NTRK2: variants seen among roughly 807,000 people sequenced by gnomAD.
The protein encoded by NTRK2 is BDNF/NT-3 growth factors receptor.
NTRK2 carries 13 observed loss-of-function variants against 94.5 expected under a neutral mutation model. The observed-to-expected ratio is 0.14, with a 90% CI of 0.09 to 0.22. The LOEUF (loss-of-function observed/expected upper bound fraction) is 0.22, where lower values mean the gene tolerates loss of function less well. Ranked by LOEUF, NTRK2 falls within the 10% of genes least tolerant of loss-of-function variation. The pLI is 1.00. For missense variants in NTRK2, 639 were observed against 1,071.2 expected (o/e 0.60, Z 5.63); for synonymous variants, 372 against 407.4 (o/e 0.91, Z 1.05).
intron 12 of NTRK2, among the ~76,000 whole-genome samples, chr9:84,754,479 C>T (rs1434096478): frequency 6.6e-6 from 1 of 152,066 alleles, no homozygotes; most frequent in African/African-American, 2.4e-5. Flanking sequence ...GCAGATGAAA[C>T]TGCTTAAAAC....
At chr9:84,853,591 C>G (rs1350117599) in intron 12 of NTRK2, among the ~76,000 whole-genome samples, 1 of 152,098 alleles carries the variant, frequency 6.6e-6, no homozygotes, top group African/African-American at 2.4e-5. Flanking sequence ...TACGCTTTTT[C>G]AAAATTGTTG....
At chr9:84,722,891 A>AT (rs1340713511) in intron 6 of NTRK2, among the ~76,000 whole-genome samples, 2 of 152,244 alleles carry the variant, frequency 1.3e-5, no homozygotes, top group African/African-American at 4.8e-5. Context: ...TTTCACTGAA[A>AT]TGAGTCCAAC....
At chr9:84,956,770 G>C (rs568246419) in intron 17 of NTRK2, among the ~76,000 whole-genome samples, 27 of 152,058 alleles carry the variant, frequency 1.8e-4, no homozygotes, top group African/African-American at 6.3e-4. Flanking sequence ...CGTTTTAGTG[G>C]GGTGAACTTT....
chr9:84,870,520 G>A (rs1450599195), intron 14 of NTRK2, among the ~76,000 whole-genome samples: 3 of 149,268 alleles, frequency 2.0e-5, no homozygotes, highest in East Asian at 2.0e-4. Context: ...TTTATTTTTC[G>A]TTTTCATTTT....
At chr9:84,879,558 G>A (rs955230438) in intron 14 of NTRK2, among the ~76,000 whole-genome samples, 1 of 152,060 alleles carries the variant, frequency 6.6e-6, no homozygotes, top group African/African-American at 2.4e-5. Context: ...CTTAATAATT[G>A]CTGCAGTATA....
Position 84,948,473 on chromosome 9 carries a change from T to C in NTRK2, c.1776T>C (p.Asp592=), listed in dbSNP as rs199536535. The part of the protein sequence containing the change: ...KILVAVKTLK[D]ASDNARKDFH... The stretch of plus-strand genomic sequence containing the variant: ...ACACCCATCCCCAGACCCTGAAGGA[T>C]GCCAGTGACAATGCACGCAAGGACT... Residue 592 remains aspartate (D), a synonymous_variant, in exon 16 of 19, where the codon GAT becomes GAC. Coordinates refer to ENST00000277120, the MANE Select transcript of NTRK2 (RefSeq NM_006180.6). 8 of 1,614,144 alleles carry C rather than the reference T, an allele frequency of 5.0e-6. No homozygotes were observed. The East Asian group carries it at 1.3e-4, about 27-fold the overall frequency.
intron 12 of NTRK2, among the ~76,000 whole-genome samples, chr9:84,759,929 T>A (rs1299802782): frequency 1.3e-5 from 2 of 152,226 alleles, no homozygotes; most frequent in African/African-American, 4.8e-5. Flanking sequence ...AATTCTAACA[T>A]ATGCTTTGAT....
intron 12 of NTRK2, among the ~76,000 whole-genome samples, chr9:84,760,568 C>T (rs1308688150): frequency 2.0e-5 from 3 of 152,120 alleles, no homozygotes; most frequent in Non-Finnish European, 2.9e-5. Flanking sequence ...CTTTTAAGCC[C>T]TTCAGCCCTT....
chr9:84,684,779 A>G (rs1049126725), intron 2 of NTRK2, among the ~76,000 whole-genome samples: 5 of 152,254 alleles, frequency 3.3e-5, no homozygotes, highest in Admixed American at 2.6e-4. Context: ...GTATGTTTGT[A>G]AGTCATTGGT....
chr9:84,927,997 A>T (rs2077883701), intron 14 of NTRK2, among the ~76,000 whole-genome samples: 1 of 152,238 alleles, frequency 6.6e-6, no homozygotes, highest in Non-Finnish European at 1.5e-5. Context: ...TTAATTGATG[A>T]TAATGCACAT....
At chr9:84,850,480 T>C (rs909270692) in intron 12 of NTRK2, among the ~76,000 whole-genome samples, 20 of 152,266 alleles carry the variant, frequency 1.3e-4, no homozygotes, top group African/African-American at 4.3e-4. Context: ...AGCCAGGTCA[T>C]GGGGCCAGGT....
At chr9:84,832,939 G>A (rs1287371520) in intron 12 of NTRK2, among the ~76,000 whole-genome samples, 2 of 152,060 alleles carry the variant, frequency 1.3e-5, no homozygotes, top group African/African-American at 2.4e-5. Context: ...GATTGGATGC[G>A]GGCACTCCTG....
chr9:84,701,364 T>C (rs1207648081), intron 2 of NTRK2, among the ~76,000 whole-genome samples: 1 of 152,190 alleles, frequency 6.6e-6, no homozygotes, highest in East Asian at 1.9e-4. Context: ...TCAGCTATGA[T>C]CCCAGAGTAA....
intron 13 of NTRK2, among the ~76,000 whole-genome samples, chr9:84,866,973 G>A (rs772422761): frequency 1.4e-4 from 21 of 152,178 alleles, no homozygotes; most frequent in East Asian, 5.8e-4. Flanking sequence ...AAAAGACCAC[G>A]TGTTATATGG....
chr9:84,926,521 C>T (rs149020298), intron 14 of NTRK2, among the ~76,000 whole-genome samples: 5 of 152,184 alleles, frequency 3.3e-5, no homozygotes, highest in East Asian at 1.9e-4. Flanking sequence ...CATGAGCCAC[C>T]GCACCCGGCC....
chr9:84,992,938 A>G (rs186980678), intron 17 of NTRK2, among the ~76,000 whole-genome samples: 2,697 of 149,528 alleles, frequency 0.018, 45 homozygotes, highest in Middle Eastern at 0.054. Context: ...TTAATGTATT[A>G]TATATATATA....
At chr9:84,980,946 A>G in intron 17 of NTRK2, among the ~76,000 whole-genome samples, 1 of 152,252 alleles carries the variant, frequency 6.6e-6, no homozygotes, top group East Asian at 1.9e-4. Flanking sequence ...AATGTAGGCA[A>G]TGACCTCATG....
intron 4 of NTRK2, among the ~76,000 whole-genome samples, chr9:84,703,299 G>A (rs1040526707): frequency 1.3e-5 from 2 of 152,112 alleles, no homozygotes; most frequent in African/African-American, 2.4e-5. Context: ...ACCCTCACCT[G>A]GATTATTTCA....
At chr9:84,916,235 G>A (rs2077389923) in intron 14 of NTRK2, among the ~76,000 whole-genome samples, 1 of 152,048 alleles carries the variant, frequency 6.6e-6, no homozygotes, top group Non-Finnish European at 1.5e-5. Context: ...AAGGGCCAGG[G>A]AGGATGAGAA....
Sources: gnomAD v4.1 joint callset for allele counts (sites outside exome capture counted in the v4.1 genomes callset) on GRCh38, gnomAD v4.1.1 for gene constraint, MANE v1.5 for transcripts, NCBI Gene and HGNC (gene_info 2026-07-23, HGNC 2026-07-21) for gene names.